The following FBXL20 variants were observed in gnomAD, a reference collection of about 807,000 sequenced individuals.
The protein encoded by FBXL20 is F-box/LRR-repeat protein 20.
In FBXL20, 11 loss-of-function variants were observed where a neutral mutation model predicts 64.0. The ratio of observed to expected loss-of-function variants is 0.17; its 90% confidence interval spans 0.11 to 0.28. FBXL20 has a LOEUF of 0.28. Ranked by LOEUF, FBXL20 falls within the 10% of genes least tolerant of loss-of-function variation. The pLI is 1.00. For missense variants in FBXL20, 303 were observed against 526.2 expected (o/e 0.58, Z 4.15); for synonymous variants, 184 against 189.0 (o/e 0.97, Z 0.22).
chr17:39,327,793 C>T (rs887971697), intron 2 of FBXL20, among the ~76,000 whole-genome samples: 25 of 152,162 alleles, frequency 1.6e-4, no homozygotes, highest in Non-Finnish European at 4.4e-5. Flanking sequence ...CTCCACCTCC[C>T]GGGTTCATGC....
chr17:39,268,706 T>C, intron 12 of FBXL20, 121 bp downstream of exon 12: 5 of 730,492 alleles, frequency 6.8e-6, no homozygotes, highest in Non-Finnish European at 1.1e-5. Context: ...TAATGGGGAA[T>C]CTGCAATGCT....
intron 4 of FBXL20, among the ~76,000 whole-genome samples, chr17:39,300,218 T>C (rs1252043310): frequency 6.6e-6 from 1 of 152,234 alleles, no homozygotes; most frequent in Admixed American, 6.5e-5. Context: ...CAGTGGATAT[T>C]ATTTTAAAAG....
At chr17:39,348,788 C>T (rs1047371761) in intron 1 of FBXL20, among the ~76,000 whole-genome samples, 1 of 152,148 alleles carries the variant, frequency 6.6e-6, no homozygotes, top group African/African-American at 2.4e-5. Context: ...CAGCCTTGAC[C>T]TCCGGACTCA....
chr17:39,275,199 A>T, intron 9 of FBXL20, 99 bp from the exon 10 acceptor site: 1 of 1,256,790 alleles, frequency 8.0e-7, no homozygotes, highest in South Asian at 1.5e-5. Context: ...CCAAAAAGGA[A>T]ATCAAGACAT....
At chr17:39,336,608 G>A (rs942989984) in intron 2 of FBXL20, among the ~76,000 whole-genome samples, 4 of 152,104 alleles carry the variant, frequency 2.6e-5, no homozygotes, top group South Asian at 2.1e-4. Context: ...GGTAAATTAC[G>A]AGGTGAGGAG....
chr17:39,317,858 C>T (rs1276086989), intron 2 of FBXL20, among the ~76,000 whole-genome samples: 4 of 151,770 alleles, frequency 2.6e-5, no homozygotes, highest in African/African-American at 4.8e-5. Context: ...CACGCCACCA[C>T]GCCCAGCTAT....
chr17:39,316,058 C>T (rs1221170749), intron 2 of FBXL20, among the ~76,000 whole-genome samples: 1 of 151,902 alleles, frequency 6.6e-6, no homozygotes, highest in African/African-American at 2.4e-5. Flanking sequence ...CAGTCTAGCC[C>T]GGTTAACAGA....
chr17:39,382,198 C>G (rs1240297755), intron 1 of FBXL20, among the ~76,000 whole-genome samples: 1 of 151,672 alleles, frequency 6.6e-6, no homozygotes, highest in Admixed American at 6.6e-5. Flanking sequence ...AATCCCAGCA[C>G]TTTGGGAGGC....
At chr17:39,353,599 CTT>C (rs2047708723) in intron 1 of FBXL20, among the ~76,000 whole-genome samples, 1 of 140,236 alleles carries the variant, frequency 7.1e-6, no homozygotes, top group African/African-American at 2.6e-5. Flanking sequence ...ACCACTACAC[CTT>C]ATTTATTTAT....
intron 6 of FBXL20, among the ~76,000 whole-genome samples, chr17:39,290,961 TG>T (rs1437319064): frequency 4.4e-5 from 6 of 135,794 alleles, no homozygotes; most frequent in Non-Finnish European, 7.7e-5. Flanking sequence ...TTCTCCATTC[TG>T]TATTTTTTTT....
intron 4 of FBXL20, 24 bp downstream of exon 4, chr17:39,300,977 G>A: frequency 6.2e-7 from 1 of 1,608,586 alleles, no homozygotes; most frequent in Non-Finnish European, 8.5e-7. Flanking sequence ...ATGAAAACTG[G>A]GGCCACACAC....
chr17:39,316,026 G>C (rs561828638), intron 2 of FBXL20, among the ~76,000 whole-genome samples: 32 of 152,226 alleles, frequency 2.1e-4, no homozygotes, highest in Admixed American at 4.6e-4. Flanking sequence ...CAAGGTTACA[G>C]GGAGCTGTGA....
intron 6 of FBXL20, among the ~76,000 whole-genome samples, chr17:39,292,539 G>A (rs1269331363): frequency 1.3e-5 from 2 of 151,836 alleles, no homozygotes; most frequent in African/African-American, 4.8e-5. Flanking sequence ...GATTACAGGA[G>A]CATACCACCA....
intron 6 of FBXL20, among the ~76,000 whole-genome samples, chr17:39,292,885 C>G (rs888471764): frequency 6.6e-6 from 1 of 150,920 alleles, no homozygotes; most frequent in Non-Finnish European, 1.5e-5. Flanking sequence ...CTCCGCCTCC[C>G]AGGTTCAAGC....
In FBXL20 at chr17:39,256,371, A is replaced by AT; in HGVS notation, c.*5088dup. 6.6e-6 allele frequency: 1 copy of AT among 151,200 alleles called. No individual in the cohort carries two copies. The highest frequency in any genetic ancestry group is 2.1e-4 in the South Asian group (1 of 4,786). 9.4% of individuals were successfully genotyped at this position (151,200 alleles called of 1,614,324 possible). On this transcript the variant is annotated 3_prime_UTR_variant, in exon 15 of 15. Coordinates refer to ENST00000264658, the MANE Select transcript of FBXL20 (RefSeq NM_032875.3). ...ATAGGCGAGGAAAGGCTGTGACTCC[A>AT]TTTTTCCCCATTATCCTTTTACTGC...
At chr17:39,402,064 G>A, upstream of FBXL20, 6 of 1,001,760 alleles carry the variant, frequency 6.0e-6, no homozygotes, top group Non-Finnish European at 7.7e-6. Flanking sequence ...TGCCTGCACA[G>A]AACCTCAGCC....
At chr17:39,354,533 G>A (rs1412586604) in intron 1 of FBXL20, among the ~76,000 whole-genome samples, 2 of 152,204 alleles carry the variant, frequency 1.3e-5, no homozygotes, top group East Asian at 1.9e-4. Context: ...GACCATGTCT[G>A]TTTTGTCACC....
intron 1 of FBXL20, among the ~76,000 whole-genome samples, chr17:39,375,407 TAAC>T (rs1208553404): frequency 6.6e-6 from 1 of 151,824 alleles, no homozygotes; most frequent in Non-Finnish European, 1.5e-5. Context: ...AAAGCAACAA[TAAC>T]AACAAAACTG....
At chr17:39,303,493 TA>T in intron 3 of FBXL20, 91 bp downstream of exon 3, 1 of 1,045,584 alleles carries the variant, frequency 9.6e-7, no homozygotes, top group South Asian at 1.7e-5. Flanking sequence ...AACATACAAG[TA>T]ACACCTAAAA....
Sources: allele counts gnomAD v4.1 joint callset (sites outside exome capture counted in the v4.1 genomes callset), GRCh38; gene constraint gnomAD v4.1.1; transcripts MANE v1.5; gene names NCBI Gene and HGNC (gene_info 2026-07-23, HGNC 2026-07-21).